Variants in PDE4D observed in about 807,000 individuals in gnomAD.
PDE4D encodes the protein phosphodiesterase 4D.
Under a neutral mutation model 87.4 loss-of-function variants are expected in PDE4D, and 24 were observed. That is an observed-to-expected ratio of 0.27 (90% CI 0.20 to 0.39). PDE4D has a LOEUF of 0.39. Among genes scored for constraint, PDE4D ranks in the 10% least tolerant of loss-of-function variants. The probability of loss-of-function intolerance (pLI) is 1.00; values close to 1 mark genes in which losing one functional copy is unlikely to be tolerated. For synonymous variants in PDE4D, 384 were observed against 383.2 expected (o/e 1.00, Z -0.02); for missense variants, 714 against 1,041.0 (o/e 0.69, Z 4.32).
At chr5:60,352,647 G>A (rs1482922702) in intron 1 of PDE4D, among the ~76,000 whole-genome samples, 2 of 152,176 alleles carry the variant, frequency 1.3e-5, no homozygotes, top group Non-Finnish European at 2.9e-5. Flanking sequence ...AACATTTCCT[G>A]TGGAGATTCT....
chr5:59,104,432 A>T (rs1288747729), intron 5 of PDE4D, among the ~76,000 whole-genome samples: 1 of 152,262 alleles, frequency 6.6e-6, no homozygotes, highest in Non-Finnish European at 1.5e-5. Flanking sequence ...TCTCAAACTA[A>T]CATGATTATA....
chr5:60,377,232 CAA>C (rs1348950713), intron 1 of PDE4D, among the ~76,000 whole-genome samples: 1 of 152,180 alleles, frequency 6.6e-6, no homozygotes, highest in Non-Finnish European at 1.5e-5. Context: ...ACTATGAGGA[CAA>C]AGACTATATC....
intron 1 of PDE4D, among the ~76,000 whole-genome samples, chr5:59,386,995 CG>C (rs1257497339): frequency 1.3e-5 from 2 of 152,010 alleles, no homozygotes; most frequent in Admixed American, 6.5e-5. Context: ...ATTAGGATCA[CG>C]TAATGTAAAA....
chr5:60,506,282 C>T (rs140318044), intron 1 of PDE4D, among the ~76,000 whole-genome samples: 4 of 152,218 alleles, frequency 2.6e-5, no homozygotes, highest in Admixed American at 6.5e-5. Context: ...TACATGCACA[C>T]GTGAATACAC....
chr5:59,844,073 A>C (rs2152710276), intron 1 of PDE4D, among the ~76,000 whole-genome samples: 1 of 152,202 alleles, frequency 6.6e-6, no homozygotes, highest in East Asian at 1.9e-4. Context: ...TTGTTTGTAC[A>C]GATCATGCGC....
intron 6 of PDE4D, among the ~76,000 whole-genome samples, chr5:59,009,719 C>A (rs556009118): frequency 6.6e-6 from 1 of 151,954 alleles, no homozygotes; most frequent in Non-Finnish European, 1.5e-5. Context: ...TCCAATTGTA[C>A]ACATTTGTGA....
intron 1 of PDE4D, among the ~76,000 whole-genome samples, chr5:59,668,923 A>AG: frequency 6.1e-5 from 1 of 16,504 alleles, no homozygotes. Context: ...AAGAAGAAGA[A>AG]AGAAAGAAAG....
intron 1 of PDE4D, chr5:59,356,648 A>G (rs1781417558): frequency 6.2e-6 from 5 of 808,912 alleles, no homozygotes; most frequent in Non-Finnish European, 9.2e-6. Flanking sequence ...TATATTGTCA[A>G]TTTAACAAGC....
At chr5:59,116,844 C>T (rs1174621439) in intron 5 of PDE4D, among the ~76,000 whole-genome samples, 3 of 152,162 alleles carry the variant, frequency 2.0e-5, no homozygotes, top group Non-Finnish European at 1.5e-5. Flanking sequence ...AGATGTGCTA[C>T]TATGATAGAC....
At chr5:60,099,624 T>G (rs572591721) in intron 2 of PDE4D, among the ~76,000 whole-genome samples, 1 of 151,172 alleles carries the variant, frequency 6.6e-6, no homozygotes, top group Non-Finnish European at 1.5e-5. Flanking sequence ...AAACAAATGG[T>G]TATTAAACTT....
In PDE4D at chr5:59,762,449, CATATGTGT is replaced by C. The variant is rs1407985683; in HGVS notation, c.455+130711_455+130718del. Among the ~76,000 whole-genome samples, 21 of 78,624 alleles carry C rather than the reference CATATGTGT, an allele frequency of 2.7e-4. 1 individual carries two copies. Among genetic ancestry groups the C allele is most frequent in the Admixed American group, 1.5e-3 (13 of 8,600 alleles). 51.6% of individuals were successfully genotyped at this position (78,624 alleles called of 152,430 possible). ...ATGTGTATATGTGTATATGGGTACA[CATATGTGT>C]ATATGTGTATATGGGTACACATATG... On this transcript the variant is annotated intron_variant, in intron 1 of 14. Transcript: ENST00000340635.
chr5:59,318,605 C>A (rs183084334), intron 1 of PDE4D, among the ~76,000 whole-genome samples: 3 of 151,802 alleles, frequency 2.0e-5, no homozygotes, highest in Admixed American at 6.6e-5. Context: ...TGTTAGTCAA[C>A]GAAGCAGACC....
intron 1 of PDE4D, among the ~76,000 whole-genome samples, chr5:60,204,287 A>C (rs1207225432): frequency 6.6e-6 from 1 of 151,976 alleles, no homozygotes; most frequent in African/African-American, 2.4e-5. Flanking sequence ...ATCTGTCTCT[A>C]TCTGTCATCT....
At chr5:60,325,959 C>A (rs965705531) in intron 1 of PDE4D, among the ~76,000 whole-genome samples, 3 of 152,112 alleles carry the variant, frequency 2.0e-5, no homozygotes, top group Non-Finnish European at 2.9e-5. Context: ...CAGCATAATT[C>A]TCTCAAGATT....
At chr5:59,383,022 G>A (rs1357445371) in intron 1 of PDE4D, among the ~76,000 whole-genome samples, 2 of 152,290 alleles carry the variant, frequency 1.3e-5, no homozygotes, top group South Asian at 2.1e-4. Context: ...GCATGGAAGA[G>A]CTTTAAGCAA....
intron 1 of PDE4D, among the ~76,000 whole-genome samples, chr5:59,816,908 G>A (rs571378416): frequency 6.6e-6 from 1 of 152,322 alleles, no homozygotes; most frequent in South Asian, 2.1e-4. Context: ...ATGCAAATTT[G>A]TTCCTAGATC....
intron 1 of PDE4D, among the ~76,000 whole-genome samples, chr5:60,458,010 G>A (rs1189575684): frequency 2.0e-5 from 3 of 152,184 alleles, no homozygotes; most frequent in Non-Finnish European, 2.9e-5. Context: ...CTGGAGCTAT[G>A]AGCCATCCAG....
At chr5:59,407,891 A>G (rs1357127777) in intron 1 of PDE4D, among the ~76,000 whole-genome samples, 2 of 152,230 alleles carry the variant, frequency 1.3e-5, no homozygotes, top group Non-Finnish European at 2.9e-5. Context: ...TGCAGAAGCA[A>G]AGAAATAACC....
intron 1 of PDE4D, among the ~76,000 whole-genome samples, chr5:60,412,661 C>T (rs1473191353): frequency 1.3e-5 from 2 of 152,104 alleles, no homozygotes; most frequent in African/African-American, 4.8e-5. Flanking sequence ...GTACAATACT[C>T]CTTATGTTTC....
Sources: allele counts gnomAD v4.1 joint callset (sites outside exome capture counted in the v4.1 genomes callset), GRCh38; gene constraint gnomAD v4.1.1; transcripts MANE v1.5; gene names NCBI Gene and HGNC (gene_info 2026-07-23, HGNC 2026-07-21).